The following NELL1 variants were observed in gnomAD, a reference collection of about 807,000 sequenced individuals.
NELL1 encodes the protein neural EGFL like 1, also known as protein kinase C-binding protein NELL1.
A neutral mutation model predicts 107.4 loss-of-function variants in NELL1; 76 were observed. The ratio of observed to expected loss-of-function variants is 0.71; its 90% CI spans 0.59 to 0.86. The LOEUF is 0.86. NELL1 is among the 40% of genes least tolerant of loss of function. The pLI is 0.00. For missense variants in NELL1, 1,024 were observed against 1,005.5 expected, an observed-to-expected ratio of 1.02 and a Z score of -0.25; for synonymous variants, 353 against 341.2, an observed-to-expected ratio of 1.03 and a Z score of -0.38.
chr11:21,246,894 A>T (rs1392994271), intron 14 of NELL1, among the ~76,000 whole-genome samples: 1 of 152,198 alleles, frequency 6.6e-6, no homozygotes, highest in East Asian at 1.9e-4. Flanking sequence ...TGCGAGATTT[A>T]TTCACTATCA....
intron 15 of NELL1, among the ~76,000 whole-genome samples, chr11:21,484,614 A>G (rs762689373): frequency 3.3e-5 from 5 of 152,052 alleles, no homozygotes; most frequent in African/African-American, 1.2e-4. Context: ...TGATATGCAT[A>G]CATATCCATA....
At chr11:20,804,345 C>G (rs1488553358) in intron 3 of NELL1, among the ~76,000 whole-genome samples, 3 of 152,172 alleles carry the variant, frequency 2.0e-5, no homozygotes, top group African/African-American at 7.2e-5. Context: ...AAGCAAGTCT[C>G]CTGCCTTGGC....
intron 4 of NELL1, among the ~76,000 whole-genome samples, chr11:20,861,166 C>G (rs891284439): frequency 6.6e-6 from 1 of 152,044 alleles, no homozygotes; most frequent in Admixed American, 6.6e-5. Context: ...TACCCATTGC[C>G]CTGCCCTTAA....
chr11:20,936,301 G>C (rs900356093), intron 9 of NELL1, among the ~76,000 whole-genome samples: 2 of 152,146 alleles, frequency 1.3e-5, no homozygotes, highest in African/African-American at 4.8e-5. Flanking sequence ...ACAAGTCTTA[G>C]ATCTCCATTC....
intron 2 of NELL1, among the ~76,000 whole-genome samples, chr11:20,707,430 G>A (rs1318062748): frequency 6.6e-6 from 1 of 152,192 alleles, no homozygotes; most frequent in African/African-American, 2.4e-5. Flanking sequence ...CATTCCTTTG[G>A]AGGAGAAGAG....
chr11:21,538,102 C>T (rs565553589), intron 16 of NELL1, among the ~76,000 whole-genome samples: 1 of 152,068 alleles, frequency 6.6e-6, no homozygotes, highest in Non-Finnish European at 1.5e-5. Context: ...ATATCAGCAT[C>T]TAAAATAACC....
chr11:21,092,221 G>A (rs530793213), intron 12 of NELL1, among the ~76,000 whole-genome samples: 1 of 152,292 alleles, frequency 6.6e-6, no homozygotes, highest in South Asian at 2.1e-4. Flanking sequence ...TAGGTAGACT[G>A]AAAATATTCA....
Position 21,099,229 on chromosome 11 carries a change from AC to A in NELL1, c.1301-14359del, listed in dbSNP as rs1221301195. ...CACACACACACACACACACACACAC[AC>A]ACAAACACACACACACACACACGGA... is the stretch of plus-strand genomic sequence containing the variant. On this transcript the variant is annotated intron_variant, in intron 12 of 19. Transcript: ENST00000357134. Among the ~76,000 whole-genome samples, 7 of 139,390 alleles carry A rather than the reference AC, an allele frequency of 5.0e-5. No homozygotes were observed. In the East Asian group the frequency reaches 1.3e-3, roughly 26 times the overall value. 91.4% of individuals were successfully genotyped at this position (139,390 alleles called of 152,430 possible).
At chr11:21,321,740 A>G (rs763925347) in intron 14 of NELL1, among the ~76,000 whole-genome samples, 7 of 152,204 alleles carry the variant, frequency 4.6e-5, no homozygotes, top group Non-Finnish European at 8.8e-5. Context: ...TGGCAGAACC[A>G]GGACTCCTTT....
chr11:21,049,532 T>C (rs2134344881), intron 12 of NELL1, among the ~76,000 whole-genome samples: 1 of 152,246 alleles, frequency 6.6e-6, no homozygotes, highest in Non-Finnish European at 1.5e-5. Context: ...TTAAGGAACA[T>C]AGAGCAAATT....
rs760285079 is a variant in NELL1, at chr11:20,928,513, G to T, written c.997+34G>T. ...TGACTGAGGGTCAGACTGGCTGTCT[G>T]TGTTTTGAGATTTATTTATTTATTT... On this transcript the variant is annotated intron_variant, in intron 9 of 19. Transcript: ENST00000357134. 12 of 1,510,218 alleles carry T rather than the reference G, an allele frequency of 7.9e-6. No individual in the cohort carries two copies. The East Asian group carries it at 1.8e-4, about 23-fold the overall frequency. The allele number at this position is 1,510,218 out of a possible 1,614,324, so 93.6% of individuals were successfully genotyped here.
At chr11:20,736,023 C>T (rs1422746091) in intron 2 of NELL1, among the ~76,000 whole-genome samples, 1 of 151,844 alleles carries the variant, frequency 6.6e-6, no homozygotes, top group East Asian at 1.9e-4. Context: ...GTAAGCTGAT[C>T]CTTGGCATCA....
intron 2 of NELL1, among the ~76,000 whole-genome samples, chr11:20,707,061 A>C (rs1854982492): frequency 6.6e-6 from 1 of 151,992 alleles, no homozygotes; most frequent in Admixed American, 6.6e-5. Flanking sequence ...GGCTTTGTTC[A>C]TTTTACTCTT....
At chr11:21,098,178 G>A (rs921742350) in intron 12 of NELL1, among the ~76,000 whole-genome samples, 3 of 152,126 alleles carry the variant, frequency 2.0e-5, no homozygotes, top group Non-Finnish European at 4.4e-5. Context: ...GCTTCTTCAT[G>A]CCCTGTGTCT....
At chr11:20,895,227 C>A (rs1444198958) in intron 5 of NELL1, among the ~76,000 whole-genome samples, 4 of 112,062 alleles carry the variant, frequency 3.6e-5, no homozygotes, top group African/African-American at 1.2e-4. Flanking sequence ...AGCCGAGATC[C>A]CGCCACTGCA....
At chr11:20,996,606 T>C (rs778655077) in intron 12 of NELL1, among the ~76,000 whole-genome samples, 5 of 152,200 alleles carry the variant, frequency 3.3e-5, no homozygotes, top group Non-Finnish European at 7.4e-5. Context: ...ATGGTGGGGA[T>C]GGGAAACTCT....
chr11:20,747,513 T>A (rs138075354), intron 2 of NELL1, among the ~76,000 whole-genome samples: 98 of 152,312 alleles, frequency 6.4e-4, no homozygotes, highest in African/African-American at 2.2e-3. Context: ...TAAAGAAAAG[T>A]AATTTATTTC....
intron 14 of NELL1, among the ~76,000 whole-genome samples, chr11:21,333,745 CTT>C (rs2133689683): frequency 6.6e-6 from 1 of 152,124 alleles, no homozygotes; most frequent in Non-Finnish European, 1.5e-5. Context: ...GATTGTGTCA[CTT>C]TTCCTTGTCC....
At chr11:20,826,721 A>C (rs1228323067) in intron 3 of NELL1, among the ~76,000 whole-genome samples, 2 of 151,006 alleles carry the variant, frequency 1.3e-5, no homozygotes, top group Non-Finnish European at 3.0e-5. Context: ...CCCTGAAGTT[A>C]TTGCCATAAA....
Sources: allele counts gnomAD v4.1 joint callset (sites outside exome capture counted in the v4.1 genomes callset), GRCh38; gene constraint gnomAD v4.1.1; transcripts MANE v1.5; gene names NCBI Gene and HGNC (gene_info 2026-07-23, HGNC 2026-07-21).